Variants in HHAT observed in about 807,000 individuals in gnomAD.
HHAT encodes the protein hedgehog acyltransferase.
A neutral mutation model predicts 70.8 loss-of-function variants in HHAT; 47 were observed. The observed-to-expected ratio is 0.66, with a 90% CI of 0.53 to 0.85. HHAT has a LOEUF of 0.85. HHAT is among the 40% of genes least tolerant of loss of function. The pLI, the probability that HHAT is intolerant of heterozygous loss-of-function variation, is 0.00. For synonymous variants in HHAT, 228 were observed against 247.6 expected (o/e 0.92, Z 0.74); for missense variants, 609 against 604.8 (o/e 1.01, Z -0.07).
intron 10 of HHAT, among the ~76,000 whole-genome samples, chr1:210,605,829 T>A (rs924567835): frequency 2.0e-5 from 3 of 152,052 alleles, no homozygotes; most frequent in Non-Finnish European, 4.4e-5. Context: ...AAGTGTACAC[T>A]AATTTTATTA....
chr1:210,406,373 T>TTTATTTTG (rs2092330057), intron 6 of HHAT, among the ~76,000 whole-genome samples: 1 of 151,122 alleles, frequency 6.6e-6, no homozygotes, highest in African/African-American at 2.4e-5. Flanking sequence ...AATAATTGTT[T>TTTATTTTG]CTGTTATTTC....
At chr1:210,412,606 C>T (rs541263586) in intron 6 of HHAT, among the ~76,000 whole-genome samples, 1 of 152,336 alleles carries the variant, frequency 6.6e-6, no homozygotes, top group East Asian at 1.9e-4. Context: ...GCTCAGGAAT[C>T]ATCATGTTTG....
intron 3 of HHAT, among the ~76,000 whole-genome samples, chr1:210,364,531 T>C (rs1336231179): frequency 6.6e-6 from 1 of 152,262 alleles, no homozygotes; most frequent in African/African-American, 2.4e-5. Context: ...GACTTTTAGC[T>C]GCAGAGGAAC....
chr1:210,392,444 T>A (rs1462411366), intron 4 of HHAT, among the ~76,000 whole-genome samples: 2 of 152,158 alleles, frequency 1.3e-5, no homozygotes, highest in African/African-American at 2.4e-5. Flanking sequence ...TTTTCCCTGA[T>A]CATCTCTCCT....
intron 10 of HHAT, among the ~76,000 whole-genome samples, chr1:210,612,122 C>A (rs1666710521): frequency 6.6e-6 from 1 of 152,136 alleles, no homozygotes; most frequent in South Asian, 2.1e-4. Context: ...ATTCACTCTT[C>A]CATGTATCTA....
At chr1:210,557,525 C>T (rs934196724) in intron 9 of HHAT, among the ~76,000 whole-genome samples, 1 of 152,208 alleles carries the variant, frequency 6.6e-6, no homozygotes, top group Non-Finnish European at 1.5e-5. Flanking sequence ...GCTGATAAAA[C>T]ATGCCCAAGA....
At position 210,464,528 on chromosome 1, in the gene HHAT, C is replaced by T; in HGVS notation, c.880C>T (p.Leu294Phe). ...AGGAGGACTGGCGTTAGCCCAGGTGCTCTTTTTCTACGTGAAGTACTTGGT... is the reference window on the plus strand; with the variant it reads ...AGGAGGACTGGCGTTAGCCCAGGTGTTCTTTTTCTACGTGAAGTACTTGGT... Reference protein sequence around the residue: ...TLGGLALAQVLFFYVKYLVLF... With the variant: ...TLGGLALAQVFFFYVKYLVLF... Residue 294 changes from leucine to phenylalanine, a missense_variant, in exon 8 of 12, where the codon CTC becomes TTC. Coordinates refer to ENST00000261458, the MANE Select transcript of HHAT (RefSeq NM_018194.6). 4 of 1,614,142 alleles carry T rather than the reference C, an allele frequency of 2.5e-6. No homozygotes were observed. Among genetic ancestry groups the T allele is most frequent in the Non-Finnish European group, 2.5e-6 (3 of 1,180,016 alleles).
intron 9 of HHAT, among the ~76,000 whole-genome samples, chr1:210,564,813 G>C (rs1225063188): frequency 2.6e-5 from 4 of 151,944 alleles, no homozygotes; most frequent in African/African-American, 9.7e-5. Flanking sequence ...GATGGAATGG[G>C]GAGGGGAGGG....
At chr1:210,628,657 T>G (rs1376222670) in intron 11 of HHAT, among the ~76,000 whole-genome samples, 1 of 152,244 alleles carries the variant, frequency 6.6e-6, no homozygotes, top group Non-Finnish European at 1.5e-5. Flanking sequence ...AATTTTCTTA[T>G]GCAGGTCCCC....
At chr1:210,560,838 A>C (rs1480565985) in intron 9 of HHAT, among the ~76,000 whole-genome samples, 11 of 147,672 alleles carry the variant, frequency 7.4e-5, no homozygotes, top group African/African-American at 1.8e-4. Context: ...AAAAAAAAAA[A>C]AAAAAAAAAA....
At chr1:210,389,949 A>G (rs954867601) in intron 4 of HHAT, among the ~76,000 whole-genome samples, 2 of 152,334 alleles carry the variant, frequency 1.3e-5, no homozygotes, top group African/African-American at 4.8e-5. Flanking sequence ...CCTCTGTAAA[A>G]TAGGATCAAT....
chr1:210,362,472 G>A (rs1324314455), intron 2 of HHAT, among the ~76,000 whole-genome samples: 17 of 152,260 alleles, frequency 1.1e-4, no homozygotes, highest in Non-Finnish European at 5.9e-5. Flanking sequence ...TAATCCGCCC[G>A]TCTTGGCCTC....
Position 210,533,331 on chromosome 1 carries a change from CAACTCCA to C in HHAT, c.1043+20145_1043+20151del, listed in dbSNP as rs2095334897. On this transcript the variant is annotated intron_variant, in intron 9 of 11. Transcript: ENST00000261458. ...AGAAGACAGCATCTTTGGGGACTGT[CAACTCCA>C]AGGGAAATGGGGCTCGTTTGTTGGT... 4.5e-5 allele frequency among the ~76,000 whole-genome samples: 2 copies of C among 44,556 alleles called. 1 individual carries two copies. The highest frequency in any genetic ancestry group is 5.4e-4 in the Admixed American group (2 of 3,706). The allele number at this position is 44,556 out of a possible 152,430, so 29.2% of individuals were successfully genotyped here. A position where few individuals can be genotyped will look rare whatever the true frequency, so the allele number is the denominator to read the frequency against.
At chr1:210,584,921 C>T (rs188103680) in intron 9 of HHAT, among the ~76,000 whole-genome samples, 2 of 152,336 alleles carry the variant, frequency 1.3e-5, no homozygotes, top group East Asian at 3.9e-4. Context: ...AAGACATGCT[C>T]AACAGCAGGT....
chr1:210,358,706 G>A (rs775990561), intron 2 of HHAT, among the ~76,000 whole-genome samples: 10 of 152,134 alleles, frequency 6.6e-5, no homozygotes, highest in Non-Finnish European at 1.0e-4. Flanking sequence ...TAGAAACAGC[G>A]GGGCACGTGC....
intron 10 of HHAT, among the ~76,000 whole-genome samples, chr1:210,593,969 T>G (rs551354893): frequency 6.6e-6 from 1 of 152,186 alleles, no homozygotes; most frequent in Non-Finnish European, 1.5e-5. Context: ...CTATTTTGTC[T>G]GATTTAAGTA....
intron 9 of HHAT, among the ~76,000 whole-genome samples, chr1:210,543,584 A>C (rs1573189013): frequency 6.6e-6 from 1 of 151,962 alleles, no homozygotes; most frequent in Non-Finnish European, 1.5e-5. Context: ...ATAGAGTGAG[A>C]CCCTGCCTCA....
intron 9 of HHAT, among the ~76,000 whole-genome samples, chr1:210,531,194 A>C (rs2095311106): frequency 6.6e-6 from 1 of 152,240 alleles, no homozygotes; most frequent in Non-Finnish European, 1.5e-5. Context: ...AGGTACAGTA[A>C]AAATACAGTA....
At chr1:210,543,008 A>G (rs768003889) in intron 9 of HHAT, among the ~76,000 whole-genome samples, 3 of 152,184 alleles carry the variant, frequency 2.0e-5, no homozygotes, top group Non-Finnish European at 2.9e-5. Context: ...GACAGGCATC[A>G]TGGGGAGAAC....
Sources: allele counts gnomAD v4.1 joint callset (sites outside exome capture counted in the v4.1 genomes callset), GRCh38; gene constraint gnomAD v4.1.1; transcripts MANE v1.5; gene names NCBI Gene and HGNC (gene_info 2026-07-23, HGNC 2026-07-21).